The following THEM4 variants were observed in gnomAD, a reference collection of about 807,000 sequenced individuals.
THEM4 encodes thioesterase superfamily member 4.
A neutral mutation model predicts 25.0 loss-of-function variants in THEM4; 22 were observed. The observed-to-expected ratio is 0.88, with a 90% confidence interval of 0.63 to 1.26. The LOEUF (loss-of-function observed/expected upper bound fraction) is 1.26, where lower values mean the gene tolerates loss of function less well. THEM4 is among the 50% of genes most tolerant of loss of function. THEM4 has a pLI of 0.00. For missense variants in THEM4, 286 were observed against 300.3 expected (o/e 0.95, Z 0.35); for synonymous variants, 113 against 105.6 (o/e 1.07, Z -0.43).
intron 1 of THEM4, among the ~76,000 whole-genome samples, chr1:151,902,962 C>T (rs916878839): frequency 1.4e-4 from 21 of 152,088 alleles, no homozygotes; most frequent in African/African-American, 5.1e-4. Flanking sequence ...CACTCCAGTC[C>T]GGGCAACAGA....
At chr1:151,899,117 A>G (rs1324918875) in intron 1 of THEM4, among the ~76,000 whole-genome samples, 1 of 152,236 alleles carries the variant, frequency 6.6e-6, no homozygotes, top group Non-Finnish European at 1.5e-5. Context: ...AAAAGAATTC[A>G]GGAGGTTAGC....
chr1:151,885,573 AT>A (rs1653950221), intron 4 of THEM4, among the ~76,000 whole-genome samples: 1 of 152,152 alleles, frequency 6.6e-6, no homozygotes, highest in Non-Finnish European at 1.5e-5. Context: ...TTGGTACAGG[AT>A]CTACTTGTTT....
At chr1:151,887,648 TG>T (rs1273020161) in intron 4 of THEM4, among the ~76,000 whole-genome samples, 24 of 151,978 alleles carry the variant, frequency 1.6e-4, no homozygotes, top group Admixed American at 9.2e-4. Flanking sequence ...TTGTTGTTGT[TG>T]TTTTTTTTAC....
chr1:151,906,420 G>A, intron 1 of THEM4, among the ~76,000 whole-genome samples: 1 of 152,336 alleles, frequency 6.6e-6, no homozygotes, highest in Non-Finnish European at 1.5e-5. Context: ...AGCCTCCCAC[G>A]CCCTCCGTGG....
chr1:151,881,712 T>C (rs1348859625), intron 4 of THEM4, among the ~76,000 whole-genome samples: 2 of 152,236 alleles, frequency 1.3e-5, no homozygotes, highest in African/African-American at 2.4e-5. Context: ...AAGACTGCTT[T>C]GTAATGGCTG....
chr1:151,909,262 T>C (rs1654543518), intron 1 of THEM4, 98 bp downstream of exon 1: 1 of 1,004,194 alleles, frequency 1.0e-6, no homozygotes, highest in Admixed American at 2.7e-5. Flanking sequence ...ATTCTGAGAT[T>C]GGCTGGTTGG....
intron 1 of THEM4, among the ~76,000 whole-genome samples, chr1:151,898,816 TAGACCCAGA>T (rs1302502897): frequency 6.6e-6 from 1 of 152,184 alleles, no homozygotes; most frequent in Non-Finnish European, 1.5e-5. Flanking sequence ...ACTGGGTGGC[TAGACCCAGA>T]AGAGAGAAAA....
intron 4 of THEM4, among the ~76,000 whole-genome samples, chr1:151,883,993 T>G (rs963046454): frequency 1.1e-4 from 16 of 151,970 alleles, no homozygotes; most frequent in South Asian, 4.2e-4. Flanking sequence ...GAGAATCACT[T>G]GAACCCAGGA....
At position 151,895,048 on chromosome 1, in the gene THEM4, T is replaced by C. The variant is rs768629296; in HGVS notation, c.246A>G (p.Thr82=). 1.1e-5 allele frequency: 17 copies of C among 1,614,128 alleles called. No individual in the cohort carries two copies. Among genetic ancestry groups the C allele is most frequent in the Non-Finnish European group, 1.3e-5 (15 of 1,180,014 alleles). Residue 82 remains threonine, a synonymous_variant, in exon 2 of 6, where the codon ACA becomes ACG. Transcript: ENST00000368814. ...SWKRLPSYKR[T]PTEWIQDFKT... ...TGAAGTCTTGAATCCATTCAGTAGG[T>C]GTACGTTTATATGAAGGCAAACGTT...
Position 151,889,202 on chromosome 1 carries a change from T to G in THEM4, c.446+12A>C. ...ATCTTTTAGATCCACACTTTCAGGC[T>G]ATCATTCTTACCCAGGTGGTCCTTC... On this transcript the variant is annotated intron_variant, in intron 3 of 5. Coordinates refer to ENST00000368814, the MANE Select transcript of THEM4 (RefSeq NM_053055.5). The G allele has an allele frequency of 1.2e-6, 2 of 1,611,358 alleles. No homozygotes were observed. Among genetic ancestry groups the G allele is most frequent in the Non-Finnish European group, 8.5e-7 (1 of 1,179,286 alleles).
At chr1:151,907,689 TCA>T (rs1654501780) in intron 1 of THEM4, among the ~76,000 whole-genome samples, 3 of 152,178 alleles carry the variant, frequency 2.0e-5, no homozygotes, top group African/African-American at 7.2e-5. Flanking sequence ...TCAAAACCTC[TCA>T]CTTTCATTTC....
At chr1:151,875,461 G>T (rs777439924) in intron 5 of THEM4, among the ~76,000 whole-genome samples, 1 of 152,082 alleles carries the variant, frequency 6.6e-6, no homozygotes, top group Non-Finnish European at 1.5e-5. Flanking sequence ...TGTTCATAAA[G>T]AAGATACCTT....
chr1:151,897,720 A>G (rs1472451616), intron 1 of THEM4, among the ~76,000 whole-genome samples: 3 of 152,208 alleles, frequency 2.0e-5, no homozygotes, highest in African/African-American at 4.8e-5. Flanking sequence ...CTCTGAAGGA[A>G]GCGGACTACT....
At chr1:151,897,901 G>T (rs1340014823) in intron 1 of THEM4, among the ~76,000 whole-genome samples, 1 of 25,448 alleles carries the variant, frequency 3.9e-5, no homozygotes, top group Non-Finnish European at 8.6e-5. Flanking sequence ...TAAGCTGAGC[G>T]AAATACAGGG....
At chr1:151,895,818 G>A (rs1312475935) in intron 1 of THEM4, among the ~76,000 whole-genome samples, 3 of 151,986 alleles carry the variant, frequency 2.0e-5, no homozygotes, top group Non-Finnish European at 4.4e-5. Context: ...TCTCATGGAC[G>A]GTTTAGCACC....
At chr1:151,876,888 C>T in intron 5 of THEM4, 113 bp downstream of exon 5, 1 of 1,349,328 alleles carries the variant, frequency 7.4e-7, no homozygotes, top group African/African-American at 1.5e-5. Flanking sequence ...CCAAACCAAA[C>T]CAAAACACCC....
chr1:151,895,139 C>A lies in THEM4; in HGVS notation c.155G>T (p.Ser52Ile). The stretch of plus-strand genomic sequence containing the variant: ...GAGCAGTCTTAGGTCCTTGTTCCAG[C>A]TGGGGTTGGGGACAGAACAGTCCTT... Reference protein sequence around the residue: ...ILKDCSVPNPSWNKDLRLLFD... With the variant: ...ILKDCSVPNPIWNKDLRLLFD... The change falls in exon 2 of 6, where the codon AGC becomes ATC. Residue 52 changes from serine (S) to isoleucine (I), a missense_variant. Physicochemically the swap from Ser to Ile is moderately radical, Grantham distance 142 (BLOSUM62 -2). Coordinates refer to ENST00000368814, the MANE Select transcript of THEM4 (RefSeq NM_053055.5). 1 of 1,614,046 alleles carries A rather than the reference C, an allele frequency of 6.2e-7. No individual in the cohort carries two copies. Among genetic ancestry groups the A allele is most frequent in the Non-Finnish European group, 8.5e-7 (1 of 1,179,996 alleles).
intron 2 of THEM4, 149 bp from the exon 3 acceptor site, chr1:151,889,522 G>A (rs1407413981): frequency 5.8e-6 from 4 of 687,522 alleles, no homozygotes; most frequent in East Asian, 5.3e-5. Context: ...GAATGGGAGC[G>A]TCTCAATGAA....
At chr1:151,883,477 G>A (rs1653890556) in intron 4 of THEM4, among the ~76,000 whole-genome samples, 3 of 152,100 alleles carry the variant, frequency 2.0e-5, no homozygotes, top group South Asian at 4.2e-4. Context: ...CAGCATGGGG[G>A]AAACTGCCCC....
Sources: gnomAD v4.1 joint callset for allele counts (sites outside exome capture counted in the v4.1 genomes callset) on GRCh38, gnomAD v4.1.1 for gene constraint, MANE v1.5 for transcripts, NCBI Gene and HGNC (gene_info 2026-07-23, HGNC 2026-07-21) for gene names.